The following MAMLD1 variants were observed in gnomAD, a reference collection of about 807,000 sequenced individuals.
MAMLD1 encodes mastermind like domain containing 1.
In MAMLD1, 14 loss-of-function variants were observed where a neutral mutation model predicts 45.0. The observed-to-expected ratio is 0.31, with a 90% CI of 0.21 to 0.49. The LOEUF (loss-of-function observed/expected upper bound fraction) is 0.49. MAMLD1 is among the 20% of genes least tolerant of loss of function. The pLI, the probability that MAMLD1 is intolerant of heterozygous loss-of-function variation, is 0.99. For synonymous variants in MAMLD1, 254 were observed against 247.8 expected (o/e 1.02, Z -0.24); for missense variants, 543 against 603.6 (o/e 0.90, Z 1.05).
intron 1 of MAMLD1, among the ~76,000 whole-genome samples, chrX:150,427,175 T>A (rs781881595): frequency 1.8e-5 from 2 of 112,055 alleles, no homozygotes; most frequent in African/African-American, 6.5e-5. Context: ...CAGTAAGACT[T>A]CATCTTACCT....
rs1423736400 is a variant in MAMLD1 at position 150,509,177 on chromosome X, A to G, written c.2285-785A>G. ...GCTCCTCCCAATTGCCTATGCTGCA[A>G]CTAGTCAGGAGAAGGGCGGGAGGTT... On this transcript the variant is annotated intron_variant, in intron 6 of 7. Transcript: ENST00000370401. The G allele has an allele frequency of 1.5e-4, 17 of 111,982 alleles. No individual in the cohort carries two copies. The Admixed American group carries it at 1.6e-3, about 11-fold the overall frequency. 9.2% of individuals were successfully genotyped at this position (111,982 alleles called of 1,213,427 possible).
chrX:150,401,475 C>G (rs1213628822), intron 1 of MAMLD1, among the ~76,000 whole-genome samples: 1 of 103,496 alleles, frequency 9.7e-6, no homozygotes, highest in African/African-American at 3.5e-5. Context: ...GAATCAATAT[C>G]GTGAAAATGG....
At chrX:150,420,858 A>C (rs2034473738) in intron 1 of MAMLD1, 2 of 112,260 alleles carry the variant, frequency 1.8e-5, no homozygotes, top group South Asian at 3.7e-4. Context: ...AGACAGGGAC[A>C]TTTAAGTCTG....
chrX:150,403,953 AAAG>A (rs2033906938), intron 1 of MAMLD1, among the ~76,000 whole-genome samples: 38 of 78,317 alleles, frequency 4.9e-4, no homozygotes, highest in South Asian at 2.2e-3. Flanking sequence ...AGAAAGAAAG[AAAG>A]AAAGAAAGAA....
intron 1 of MAMLD1, among the ~76,000 whole-genome samples, chrX:150,425,597 G>C (rs1381224408): frequency 8.9e-6 from 1 of 111,937 alleles, no homozygotes; most frequent in African/African-American, 3.2e-5. Context: ...TGCCTTCAGA[G>C]AGTTCTAGTC....
At chrX:150,382,426 C>T (rs1382369164) in intron 1 of MAMLD1, among the ~76,000 whole-genome samples, 3 of 111,728 alleles carry the variant, frequency 2.7e-5, no homozygotes, top group Non-Finnish European at 5.7e-5. Flanking sequence ...GTACTCCTCC[C>T]ATTGTATAAT....
chrX:150,400,143 C>G (rs2033686528), intron 1 of MAMLD1, among the ~76,000 whole-genome samples: 1 of 112,045 alleles, frequency 8.9e-6, no homozygotes. Context: ...GTTCAGCACT[C>G]TTTTGTGCAG....
chrX:150,457,259 G>T (rs1289506917), intron 2 of MAMLD1, among the ~76,000 whole-genome samples: 1 of 112,334 alleles, frequency 8.9e-6, no homozygotes, highest in Non-Finnish European at 1.9e-5. Context: ...CAGACCAGCA[G>T]CAGGAACAGA....
At chrX:150,479,226 G>A (rs1557407014) in intron 5 of MAMLD1, among the ~76,000 whole-genome samples, 2 of 111,701 alleles carry the variant, frequency 1.8e-5, no homozygotes. Flanking sequence ...AAAAGTTAAA[G>A]AATAAGTGAG....
intron 2 of MAMLD1, among the ~76,000 whole-genome samples, chrX:150,452,463 A>G (rs2035695812): frequency 9.0e-6 from 1 of 111,150 alleles, no homozygotes; most frequent in Non-Finnish European, 1.9e-5. Flanking sequence ...CTGTATTATC[A>G]TAGAGACCCT....
intron 1 of MAMLD1, among the ~76,000 whole-genome samples, chrX:150,393,018 G>C (rs1417855333): frequency 9.0e-6 from 1 of 111,048 alleles, no homozygotes; most frequent in East Asian, 2.8e-4. Flanking sequence ...CATTCTATAA[G>C]TTTGAACAAA....
chrX:150,482,033 A>AATTG (rs2036831970), intron 5 of MAMLD1, among the ~76,000 whole-genome samples: 1 of 105,971 alleles, frequency 9.4e-6, no homozygotes, highest in South Asian at 4.2e-4. Context: ...AGAAAGAAAG[A>AATTG]ATTGAAAGCA....
At chrX:150,481,964 A>AAAAGAAAG (rs57124938) in intron 5 of MAMLD1, among the ~76,000 whole-genome samples, 3,122 of 56,455 alleles carry the variant, frequency 0.055, 213 homozygotes, top group East Asian at 0.095. Flanking sequence ...AAAGAAAGAA[A>AAAAGAAAG]AAAGAAAGAA....
At chrX:150,368,589 G>T (rs1208411467) in intron 1 of MAMLD1, among the ~76,000 whole-genome samples, 5 of 111,080 alleles carry the variant, frequency 4.5e-5, no homozygotes, top group East Asian at 2.8e-4. Context: ...GTCAATTTTG[G>T]CTTTTGTTGC....
At chrX:150,383,987 C>T (rs906552536) in intron 1 of MAMLD1, among the ~76,000 whole-genome samples, 1 of 111,683 alleles carries the variant, frequency 9.0e-6, no homozygotes, top group Non-Finnish European at 1.9e-5. Flanking sequence ...ATTTGTGATA[C>T]ACCATATGTT....
At chrX:150,492,395 G>A (rs1557407986) in intron 5 of MAMLD1, among the ~76,000 whole-genome samples, 1 of 112,692 alleles carries the variant, frequency 8.9e-6, no homozygotes, top group African/African-American at 3.2e-5. Flanking sequence ...CAACGTATGG[G>A]ACACTTTCTT....
At chrX:150,397,627 G>A (rs1391041795) in intron 1 of MAMLD1, among the ~76,000 whole-genome samples, 2 of 111,347 alleles carry the variant, frequency 1.8e-5, no homozygotes, top group Non-Finnish European at 3.8e-5. Context: ...TACCCATTTA[G>A]CTAGTCCTCT....
intron 1 of MAMLD1, among the ~76,000 whole-genome samples, chrX:150,403,988 GAAAGAAA>G (rs2124525480): frequency 1.1e-5 from 1 of 88,018 alleles, no homozygotes; most frequent in South Asian, 4.9e-4. Context: ...AAGAAAGAAA[GAAAGAAA>G]GAAGAAAGGA....
At chrX:150,390,825 C>T (rs1225386401) in intron 1 of MAMLD1, among the ~76,000 whole-genome samples, 1 of 112,204 alleles carries the variant, frequency 8.9e-6, no homozygotes, top group Non-Finnish European at 1.9e-5. Context: ...TGAGAACTTC[C>T]TTTAGGCATT....
Sources: allele counts gnomAD v4.1 joint callset (sites outside exome capture counted in the v4.1 genomes callset), GRCh38; gene constraint gnomAD v4.1.1; transcripts MANE v1.5; gene names NCBI Gene and HGNC (gene_info 2026-07-23, HGNC 2026-07-21).